The following ATAD3B variants were observed in gnomAD, a reference collection of about 807,000 sequenced individuals.
ATAD3B encodes ATPase family AAA domain containing 3B, also known as ATPase family AAA domain-containing protein 3B.
A neutral mutation model predicts 70.2 loss-of-function variants in ATAD3B; 59 were observed. That is an observed-to-expected ratio of 0.84 (90% CI 0.68 to 1.04). The LOEUF (loss-of-function observed/expected upper bound fraction) is 1.04. ATAD3B is among the 50% of genes least tolerant of loss of function. The pLI is 0.00. For missense variants in ATAD3B, 961 were observed against 913.4 expected, an observed-to-expected ratio of 1.05 and a Z score of -0.67; for synonymous variants, 423 against 388.6, an observed-to-expected ratio of 1.09 and a Z score of -1.04.
intron 2 of ATAD3B, among the ~76,000 whole-genome samples, chr1:1,477,577 T>C (rs1274811109): frequency 6.6e-6 from 1 of 151,786 alleles, no homozygotes; most frequent in African/African-American, 2.4e-5. Context: ...GGGCGTCTGG[T>C]CGTCCTGAGG....
chr1:1,481,953 G>A (rs559309164), intron 5 of ATAD3B, among the ~76,000 whole-genome samples, 185 bp from the exon 6 acceptor site: 4 of 139,354 alleles, frequency 2.9e-5, no homozygotes, highest in South Asian at 2.2e-4. Flanking sequence ...GGGCCGGTCC[G>A]TGGTGCGGGC....
intron 9 of ATAD3B, 91 bp from the exon 10 acceptor site, chr1:1,486,019 A>C (rs1640192324): frequency 1.2e-6 from 2 of 1,600,286 alleles, no homozygotes; most frequent in African/African-American, 1.3e-5. Context: ...CCTGAGGAGC[A>C]GAGTCCGCAC....
Position 1,489,272 on chromosome 1 carries a change from C to G in ATAD3B, c.1335C>G (p.Asn445Lys), listed in dbSNP as rs1240777504. The G allele has an allele frequency of 1.2e-6, 2 of 1,613,516 alleles. No homozygotes were observed. Among genetic ancestry groups the G allele is most frequent in the East Asian group, 2.2e-5 (1 of 44,876 alleles). Residue 445 changes from asparagine (N) to lysine (K), a missense_variant and splice_region_variant, in exon 13 of 16, where the codon AAC becomes AAG. Asn to Lys is a moderately conservative substitution (Grantham distance 94, BLOSUM62 0). Coordinates refer to ENST00000673477, the MANE Select transcript of ATAD3B (RefSeq NM_031921.6). ...TGTACCACATGGGCCAACACAGCAA[C>G]AAGTGAGGGAGCCCCTCGGGTCCTG... ...AFLYHMGQHS[N>K]KFMLVLASNL...
rs530726912 is a variant in ATAD3B at position 1,478,190 on chromosome 1, G to A, written c.283-454G>A. 3.7e-4 allele frequency: 118 copies of A among 320,834 alleles called. 1 individual carries two copies. In the South Asian group the frequency reaches 4.6e-3, roughly 13 times the overall value. 19.9% of individuals were successfully genotyped at this position (320,834 alleles called of 1,614,324 possible). A position where few individuals can be genotyped will look rare whatever the true frequency, so the allele number is the denominator to read the frequency against. On this transcript the variant is annotated intron_variant, in intron 2 of 15. Transcript: ENST00000673477. ...TTTTGTATTTTTAGTAGAGAAGGGGGTTCAGCATGTTGTCCAGGTTGGTCT... is the reference window on the plus strand; with the variant it reads ...TTTTGTATTTTTAGTAGAGAAGGGGATTCAGCATGTTGTCCAGGTTGGTCT...
chr1:1,498,510 G>A (rs1363601204), downstream of ATAD3B, among the ~76,000 whole-genome samples: 1 of 151,806 alleles, frequency 6.6e-6, no homozygotes, highest in Non-Finnish European at 1.5e-5. Flanking sequence ...TGATGGCCAT[G>A]GCGAGGGGTG....
intron 11 of ATAD3B, among the ~76,000 whole-genome samples, chr1:1,487,183 C>G (rs1314542572): frequency 6.6e-6 from 1 of 152,086 alleles, no homozygotes; most frequent in East Asian, 1.9e-4. Flanking sequence ...GGCCTTTGAC[C>G]TTTCACTTTA....
In ATAD3B at chr1:1,492,757, G is replaced by A. The variant is rs1438629115; in HGVS notation, c.1614+2086G>A. ...GTTCAAGACCAGCCTGGACAACATGGTGAAACCCCATCTCTACTAAAAAAT... is the reference window on the plus strand; with the variant it reads ...GTTCAAGACCAGCCTGGACAACATGATGAAACCCCATCTCTACTAAAAAAT... On this transcript the variant is annotated intron_variant, in intron 15 of 15. Transcript: ENST00000673477. Among the ~76,000 whole-genome samples, 13 of 151,778 alleles carry A rather than the reference G, an allele frequency of 8.6e-5. 1 individual carries two copies. The highest frequency in any genetic ancestry group is 1.0e-4 in the Non-Finnish European group (7 of 67,910).
At chr1:1,494,820 TG>T (rs1435312716) in intron 15 of ATAD3B, among the ~76,000 whole-genome samples, 1 of 151,954 alleles carries the variant, frequency 6.6e-6, no homozygotes, top group Non-Finnish European at 1.5e-5. Flanking sequence ...CGGCACCTAG[TG>T]GGGGTCCCCA....
At chr1:1,505,046 C>T in the ATAD3B span, among the ~76,000 whole-genome samples, 1 of 152,218 alleles carries the variant, frequency 6.6e-6, no homozygotes, top group South Asian at 2.1e-4. Flanking sequence ...AGACACAAGA[C>T]AGAGATAAAA....
chr1:1,506,190 G>A, the ATAD3B span, among the ~76,000 whole-genome samples: 4 of 152,268 alleles, frequency 2.6e-5, no homozygotes, highest in East Asian at 3.9e-4. Flanking sequence ...ATCTGAGATC[G>A]TGTCACTGTC....
downstream of ATAD3B, among the ~76,000 whole-genome samples, chr1:1,498,068 T>C (rs1640845592): frequency 6.6e-6 from 1 of 151,344 alleles, no homozygotes; most frequent in Non-Finnish European, 1.5e-5. Context: ...TTTGGGAGGC[T>C]GAGGCGGGTG....
chr1:1,477,485 C>T lies in ATAD3B; in HGVS notation c.282+135C>T, dbSNP rs747228109. The T allele has an allele frequency of 5.2e-5, 74 of 1,433,614 alleles. 2 individuals carry two copies. The highest frequency in any genetic ancestry group is 8.7e-5 in the South Asian group (7 of 80,696). The allele number at this position is 1,433,614 out of a possible 1,614,324, so 88.8% of individuals were successfully genotyped here. On this transcript the variant is annotated intron_variant, in intron 2 of 15. Coordinates refer to ENST00000673477, the MANE Select transcript of ATAD3B (RefSeq NM_031921.6). The stretch of plus-strand genomic sequence containing the variant: ...CAGTGGGGCCAGGGCCGAGCTTGGG[C>T]GCCTCATTTCACAGAGGGAAACAAG...
Position 1,482,398 on chromosome 1 carries a change from C to T in ATAD3B, c.680+95C>T, listed in dbSNP as rs1216843569. ...GCTCTCCAGCTCTTCCAGGCCTGGC[C>T]GCCATAGGCTGACTCCTTGGTGGGG... On this transcript the variant is annotated intron_variant, in intron 6 of 15. Coordinates refer to ENST00000673477, the MANE Select transcript of ATAD3B (RefSeq NM_031921.6). 8.2e-6 allele frequency: 13 copies of T among 1,581,664 alleles called. 1 individual carries two copies. The highest frequency in any genetic ancestry group is 1.8e-4 in the Middle Eastern group (1 of 5,504).
At chr1:1,485,993 A>C in intron 9 of ATAD3B, 117 bp from the exon 10 acceptor site, 3 of 1,591,162 alleles carry the variant, frequency 1.9e-6, no homozygotes, top group South Asian at 2.2e-5. Flanking sequence ...TAGGCTGCCC[A>C]CGAGCTGGGC....
downstream of ATAD3B, among the ~76,000 whole-genome samples, chr1:1,501,377 C>T (rs1406157484): frequency 3.9e-5 from 6 of 152,260 alleles, no homozygotes; most frequent in South Asian, 2.1e-4. Flanking sequence ...GCCTCAGCCT[C>T]CTGAGTAGCT....
At chr1:1,483,040 A>T in intron 7 of ATAD3B, 1 of 456,184 alleles carries the variant, frequency 2.2e-6, no homozygotes, top group Non-Finnish European at 4.4e-6. Flanking sequence ...CAGGCCTGTA[A>T]TCCCAGCATT....
chr1:1,480,763 A>C, intron 4 of ATAD3B, 104 bp from the exon 5 acceptor site: 1 of 1,553,638 alleles, frequency 6.4e-7, no homozygotes, highest in Non-Finnish European at 8.7e-7. Flanking sequence ...GGTGCCCAGG[A>C]CGCTTGGAGT....
the ATAD3B span, among the ~76,000 whole-genome samples, chr1:1,505,622 G>A: frequency 3.9e-5 from 6 of 152,142 alleles, no homozygotes; most frequent in African/African-American, 4.8e-5. Flanking sequence ...CTTCCCAGGC[G>A]CTGGCGTTAC....
intron 14 of ATAD3B, 53 bp from the exon 15 acceptor site, chr1:1,490,510 C>G (rs545207035): frequency 6.2e-7 from 1 of 1,611,056 alleles, no homozygotes; most frequent in African/African-American, 1.3e-5. Flanking sequence ...GCCTCCACCT[C>G]ATGGTGTGGG....
Sources: gnomAD v4.1 joint callset for allele counts (sites outside exome capture counted in the v4.1 genomes callset) on GRCh38, gnomAD v4.1.1 for gene constraint, MANE v1.5 for transcripts, NCBI Gene and HGNC (gene_info 2026-07-23, HGNC 2026-07-21) for gene names.